Variants in UNC13C observed in about 807,000 individuals in gnomAD.
UNC13C encodes protein unc-13 homolog C.
Under a neutral mutation model 245.4 loss-of-function variants are expected in UNC13C, and 174 were observed. That is an observed-to-expected ratio of 0.71 (90% CI 0.63 to 0.80). The LOEUF is 0.80. Among genes scored for constraint, UNC13C ranks in the 30% least tolerant of loss-of-function variants. The pLI, the probability that UNC13C is intolerant of heterozygous loss-of-function variation, is 0.00. For synonymous variants in UNC13C, 992 were observed against 895.1 expected, an observed-to-expected ratio of 1.11 and a Z score of -1.93; for missense variants, 2,829 against 2,602.9, an observed-to-expected ratio of 1.09 and a Z score of -1.89.
At chr15:54,249,225 T>G (rs1342200637) in intron 7 of UNC13C, among the ~76,000 whole-genome samples, 1 of 113,274 alleles carries the variant, frequency 8.8e-6, no homozygotes, top group Non-Finnish European at 1.8e-5. Flanking sequence ...TTTATTGTTG[T>G]TGGTGGTTTG....
chr15:54,580,899 G>A (rs544845783), intron 30 of UNC13C, among the ~76,000 whole-genome samples: 176 of 152,238 alleles, frequency 1.2e-3, no homozygotes, highest in African/African-American at 3.7e-3. Flanking sequence ...CACACCTGCA[G>A]TTTCTAGGAA....
chr15:54,022,691 A>G (rs1241452787), intron 2 of UNC13C, among the ~76,000 whole-genome samples: 3 of 152,154 alleles, frequency 2.0e-5, no homozygotes, highest in Non-Finnish European at 2.9e-5. Flanking sequence ...TTTTCTTCCA[A>G]TTCATGGATC....
At chr15:53,853,704 G>A in the UNC13C span, among the ~76,000 whole-genome samples, 1 of 152,118 alleles carries the variant, frequency 6.6e-6, no homozygotes, top group African/African-American at 2.4e-5. Flanking sequence ...GCAGGAGATG[G>A]TATCTCATTG....
At chr15:54,304,256 A>G (rs769547303) in intron 13 of UNC13C, among the ~76,000 whole-genome samples, 10 of 152,148 alleles carry the variant, frequency 6.6e-5, no homozygotes, top group Non-Finnish European at 1.5e-4. Context: ...CATGAGGGCC[A>G]TAGATTCACT....
chr15:53,937,717 G>T, the UNC13C span, among the ~76,000 whole-genome samples: 50,263 of 151,982 alleles, frequency 0.33, 8,496 homozygotes, highest in East Asian at 0.44. Context: ...AGAAGAGAGT[G>T]GGGGCCAATA....
intron 4 of UNC13C, among the ~76,000 whole-genome samples, chr15:54,170,441 AAG>A (rs1278436713): frequency 2.6e-5 from 4 of 152,158 alleles, no homozygotes; most frequent in African/African-American, 7.2e-5. Context: ...AATATATAAA[AAG>A]AGATGATCTA....
At chr15:54,161,247 T>G (rs1278073414) in intron 4 of UNC13C, among the ~76,000 whole-genome samples, 1 of 152,126 alleles carries the variant, frequency 6.6e-6, no homozygotes, top group African/African-American at 2.4e-5. Context: ...CACAGGTGCA[T>G]GCTATTTGTT....
chr15:54,048,754 G>A (rs7495771), intron 2 of UNC13C: 110,743 of 279,732 alleles, frequency 0.4, 24,833 homozygotes, highest in Non-Finnish European at 0.5. Context: ...ACAGGATATG[G>A]TGATACACTG....
chr15:54,181,901 C>T (rs536788687), intron 4 of UNC13C, among the ~76,000 whole-genome samples: 4 of 151,976 alleles, frequency 2.6e-5, no homozygotes, highest in African/African-American at 9.7e-5. Context: ...TGAAACTGTA[C>T]TAAAGTCACT....
chr15:54,170,523 C>T (rs904840960), intron 4 of UNC13C, among the ~76,000 whole-genome samples: 3 of 152,018 alleles, frequency 2.0e-5, no homozygotes, highest in African/African-American at 7.2e-5. Context: ...CAAGTTTTCC[C>T]TTTTTAAAAT....
At chr15:54,490,522 T>C (rs4776234) in intron 19 of UNC13C, among the ~76,000 whole-genome samples, 46,728 of 151,942 alleles carry the variant, frequency 0.31, 7,663 homozygotes, top group East Asian at 0.52. Context: ...ACAACTCGAA[T>C]TGAAGAACAA....
chr15:54,149,790 C>T (rs576330774), intron 4 of UNC13C, among the ~76,000 whole-genome samples: 1 of 152,012 alleles, frequency 6.6e-6, no homozygotes, highest in Admixed American at 6.6e-5. Context: ...TGAGAATATG[C>T]TAAACAATAA....
intron 2 of UNC13C, among the ~76,000 whole-genome samples, chr15:54,024,024 T>A (rs1595729484): frequency 6.6e-6 from 1 of 152,336 alleles, no homozygotes; most frequent in African/African-American, 2.4e-5. Flanking sequence ...AACTCTGAAC[T>A]CTGGTGTAAG....
intron 2 of UNC13C, among the ~76,000 whole-genome samples, chr15:54,067,287 T>G (rs1898120094): frequency 6.6e-6 from 1 of 152,204 alleles, no homozygotes. Context: ...TTTAATCCTT[T>G]ATTTTATCTC....
chr15:54,049,287 T>C, intron 2 of UNC13C: 2 of 524,718 alleles, frequency 3.8e-6, no homozygotes, highest in Non-Finnish European at 7.5e-6. Context: ...CTGCAGGAAA[T>C]TTTGGAGATG....
At chr15:54,391,999 C>A (rs541324095) in intron 17 of UNC13C, among the ~76,000 whole-genome samples, 4 of 152,148 alleles carry the variant, frequency 2.6e-5, no homozygotes, top group Admixed American at 2.0e-4. Context: ...GGGCCAAATA[C>A]AATCTAATAC....
intron 4 of UNC13C, among the ~76,000 whole-genome samples, chr15:54,150,468 T>G (rs1407979826): frequency 6.6e-6 from 1 of 152,234 alleles, no homozygotes; most frequent in Non-Finnish European, 1.5e-5. Context: ...TAATGTCCTA[T>G]GCACAAAGGC....
At chr15:53,899,299 A>T in the UNC13C span, among the ~76,000 whole-genome samples, 1 of 152,372 alleles carries the variant, frequency 6.6e-6, no homozygotes, top group South Asian at 2.1e-4. Flanking sequence ...GCTCTGCAAG[A>T]ATTGCAAGAA....
At chr15:54,613,538 C>A (rs563095106) in intron 30 of UNC13C, among the ~76,000 whole-genome samples, 35 of 151,844 alleles carry the variant, frequency 2.3e-4, no homozygotes, top group African/African-American at 8.4e-4. Flanking sequence ...CAAATATTAA[C>A]GAATAAATAT....
Sources: allele counts gnomAD v4.1 joint callset (sites outside exome capture counted in the v4.1 genomes callset), GRCh38; gene constraint gnomAD v4.1.1; transcripts MANE v1.5; gene names NCBI Gene and HGNC (gene_info 2026-07-23, HGNC 2026-07-21).